The following OPHN1 variants were observed in gnomAD, a reference collection of about 807,000 sequenced individuals.
OPHN1 encodes oligophrenin 1.
OPHN1 carries 11 observed loss-of-function variants against 60.7 expected under a neutral mutation model. That is an observed-to-expected ratio of 0.18 (90% CI 0.11 to 0.30). The LOEUF is 0.30. Among genes scored for constraint, OPHN1 ranks in the 10% least tolerant of loss-of-function variants. The probability of loss-of-function intolerance (pLI) is 1.00; values close to 1 mark genes in which losing one functional copy is unlikely to be tolerated. For missense variants in OPHN1, 449 were observed against 611.0 expected, an observed-to-expected ratio of 0.73 and a Z score of 2.80; for synonymous variants, 226 against 222.6, an observed-to-expected ratio of 1.02 and a Z score of -0.14.
At chrX:68,289,744 C>T (rs956632274) in intron 3 of OPHN1, among the ~76,000 whole-genome samples, 4 of 112,150 alleles carry the variant, frequency 3.6e-5, no homozygotes, top group African/African-American at 1.3e-4. Context: ...AGGGATAAAC[C>T]TTTATATCCA....
intron 5 of OPHN1, among the ~76,000 whole-genome samples, chrX:68,257,266 A>T (rs2077868772): frequency 8.9e-6 from 1 of 112,513 alleles, no homozygotes; most frequent in Non-Finnish European, 1.9e-5. Context: ...GCAAATTAAC[A>T]GTTAAGAATA....
intron 10 of OPHN1, among the ~76,000 whole-genome samples, chrX:68,204,928 C>T (rs750248492): frequency 8.9e-6 from 1 of 111,909 alleles, no homozygotes; most frequent in South Asian, 3.8e-4. Context: ...GAGCTTTCCT[C>T]TCCGGTATTT....
At chrX:68,174,328 A>C (rs746082478) in intron 15 of OPHN1, among the ~76,000 whole-genome samples, 2 of 111,493 alleles carry the variant, frequency 1.8e-5, no homozygotes, top group Non-Finnish European at 3.8e-5. Context: ...ATATGTTTTC[A>C]ATAGGAAAAT....
Position 68,398,992 on chromosome X carries a change from T to C in OPHN1, c.154+33875A>G, listed in dbSNP as rs2078699855. Among the ~76,000 whole-genome samples the C allele has an allele frequency of 2.8e-5, 3 of 108,690 alleles. No homozygotes were observed. In the Admixed American group the frequency reaches 3.0e-4, roughly 11 times the overall value. The allele number at this position is 108,690 out of a possible 115,157, so 94.4% of individuals were successfully genotyped here. Reference sequence around the variant, plus strand: ...GTGTGTGTGTGTGTGTGTGTGTGTGTGTGTATAGTAATAATATGCCAAACC... The same window carrying C: ...GTGTGTGTGTGTGTGTGTGTGTGTGCGTGTATAGTAATAATATGCCAAACC... On this transcript the variant is annotated intron_variant, in intron 2 of 24. Transcript: ENST00000355520.
At chrX:68,321,446 C>A (rs1302891998) in intron 2 of OPHN1, among the ~76,000 whole-genome samples, 5 of 111,910 alleles carry the variant, frequency 4.5e-5, no homozygotes, top group Non-Finnish European at 9.4e-5. Flanking sequence ...TTACTAGAAT[C>A]CCATTCAATC....
At chrX:68,228,753 G>A (rs759769089) in intron 6 of OPHN1, among the ~76,000 whole-genome samples, 1 of 111,080 alleles carries the variant, frequency 9.0e-6, no homozygotes, top group African/African-American at 3.3e-5. Flanking sequence ...GTATTGATAG[G>A]ATGTATCTCA....
intron 5 of OPHN1, among the ~76,000 whole-genome samples, chrX:68,262,378 A>G: frequency 8.9e-6 from 1 of 112,433 alleles, no homozygotes. Flanking sequence ...CTGTTATAAA[A>G]TTTTAATTTT....
At chrX:68,346,516 G>A (rs776754390) in intron 2 of OPHN1, among the ~76,000 whole-genome samples, 2 of 112,202 alleles carry the variant, frequency 1.8e-5, no homozygotes, top group East Asian at 2.8e-4. Context: ...GGAGAGAATG[G>A]AGACCTCTCT....
At chrX:68,080,949 G>A (rs1339853643) in intron 19 of OPHN1, among the ~76,000 whole-genome samples, 2 of 111,314 alleles carry the variant, frequency 1.8e-5, no homozygotes, top group Non-Finnish European at 3.8e-5. Flanking sequence ...CCCTTTCCAT[G>A]GGCTCCCACA....
chrX:68,217,232 ACGGAGCAC>A (rs1425662495), intron 6 of OPHN1, among the ~76,000 whole-genome samples: 1 of 111,874 alleles, frequency 8.9e-6, no homozygotes, highest in Non-Finnish European at 1.9e-5. Context: ...GGCTTAAAAA[ACGGAGCAC>A]CACGAGATTA....
chrX:68,098,765 G>A (rs1029527974), intron 18 of OPHN1, among the ~76,000 whole-genome samples: 6 of 111,375 alleles, frequency 5.4e-5, no homozygotes, highest in African/African-American at 9.8e-5. Context: ...GACCCTAAAA[G>A]GCTAAACCAC....
At chrX:68,192,413 C>A (rs1602225390) in intron 15 of OPHN1, among the ~76,000 whole-genome samples, 3 of 105,364 alleles carry the variant, frequency 2.8e-5, no homozygotes. Flanking sequence ...GTTGAGGATG[C>A]AGTGAGCCAT....
chrX:68,299,717 C>T (rs1206761485), intron 2 of OPHN1, among the ~76,000 whole-genome samples: 2 of 112,239 alleles, frequency 1.8e-5, no homozygotes, highest in African/African-American at 6.5e-5. Context: ...TGAAAACAAT[C>T]AGGGTGACAT....
Position 68,399,976 on chromosome X carries a change from T to C in OPHN1, c.154+32891A>G, listed in dbSNP as rs765177666. 3.0e-3 allele frequency among the ~76,000 whole-genome samples: 334 copies of C among 110,304 alleles called. 2 individuals are homozygous for C. Among genetic ancestry groups the C allele is most frequent in the African/African-American group, 0.01 (315 of 30,382 alleles). On this transcript the variant is annotated intron_variant, in intron 2 of 24. Transcript: ENST00000355520. ...GAGTAGCTGGGATTACAGGCTCTGATTGGTTGCTTTCTGTAACCAATAGGA... is the reference window on the plus strand; with the variant it reads ...GAGTAGCTGGGATTACAGGCTCTGACTGGTTGCTTTCTGTAACCAATAGGA...
In OPHN1 at chrX:68,101,072, A is replaced by G. The variant is rs915033110; in HGVS notation, c.1527-4043T>C. Among the ~76,000 whole-genome samples, 3 of 111,729 alleles carry G rather than the reference A, an allele frequency of 2.7e-5. No homozygotes were observed. The Admixed American group carries it at 2.9e-4, about 11-fold the overall frequency. ...AATGGTGCCTTTTTTTAAAGGGCTG[A>G]CAGCTTTGGCTTCCTCCACTGGTGT... On this transcript the variant is annotated intron_variant, in intron 18 of 24. Transcript: ENST00000355520.
Position 68,150,162 on chromosome X carries a change from A to G in OPHN1, c.1277-30830T>C, listed in dbSNP as rs915543822. On this transcript the variant is annotated intron_variant, in intron 15 of 24. Transcript: ENST00000355520. ...GGGTGGTTACCAGAGTAGGAGAAAAACAGGAATGAGGAGCAAATGCTTAAG... is the reference window on the plus strand; with the variant it reads ...GGGTGGTTACCAGAGTAGGAGAAAAGCAGGAATGAGGAGCAAATGCTTAAG... 4.3e-4 allele frequency among the ~76,000 whole-genome samples: 48 copies of G among 111,786 alleles called. 1 individual carries two copies. Among genetic ancestry groups the G allele is most frequent in the African/African-American group, 1.4e-3 (44 of 30,880 alleles).
At chrX:68,266,784 T>A (rs969100075) in intron 5 of OPHN1, among the ~76,000 whole-genome samples, 1 of 110,758 alleles carries the variant, frequency 9.0e-6, no homozygotes, top group Admixed American at 9.7e-5. Context: ...AGGAGACCCA[T>A]CTCTCGTGCA....
At chrX:68,378,748 T>C (rs1341550368) in intron 2 of OPHN1, among the ~76,000 whole-genome samples, 1 of 111,376 alleles carries the variant, frequency 9.0e-6, no homozygotes, top group African/African-American at 3.3e-5. Context: ...GTTGTAGATA[T>C]GTGGCGTTAT....
At chrX:68,212,241 T>TC (rs2077587911) in intron 7 of OPHN1, 29 bp from the exon 8 acceptor site, 2 of 964,583 alleles carry the variant, frequency 2.1e-6, no homozygotes, top group Non-Finnish European at 2.9e-6. Context: ...AATAACTTTA[T>TC]CACCAGCATC....
Sources: gnomAD v4.1 joint callset for allele counts (sites outside exome capture counted in the v4.1 genomes callset) on GRCh38, gnomAD v4.1.1 for gene constraint, MANE v1.5 for transcripts, NCBI Gene and HGNC (gene_info 2026-07-23, HGNC 2026-07-21) for gene names.